PELI2: variants seen among roughly 807,000 people sequenced by gnomAD.
PELI2 encodes the protein E3 ubiquitin-protein ligase pellino homolog 2.
Under a neutral mutation model 42.3 loss-of-function variants are expected in PELI2, and 23 were observed. The observed-to-expected ratio is 0.54, with a 90% CI of 0.39 to 0.77. The LOEUF is 0.77. PELI2 is among the 30% of genes least tolerant of loss of function. The probability of loss-of-function intolerance (pLI) is 0.00; values close to 1 mark genes in which losing one functional copy is unlikely to be tolerated. For missense variants in PELI2, 463 were observed against 553.2 expected (o/e 0.84, Z 1.64); for synonymous variants, 245 against 212.2 (o/e 1.15, Z -1.34).
At chr14:56,215,800 C>T (rs538915309) in intron 2 of PELI2, among the ~76,000 whole-genome samples, 34 of 152,122 alleles carry the variant, frequency 2.2e-4, no homozygotes, top group Non-Finnish European at 4.1e-4. Context: ...CTGTCACCAG[C>T]GGTGTGGAAT....
chr14:56,285,033 T>C (rs1165214222), intron 3 of PELI2, among the ~76,000 whole-genome samples: 1 of 152,202 alleles, frequency 6.6e-6, no homozygotes, highest in African/African-American at 2.4e-5. Context: ...CTAGGAATTT[T>C]GGGAAGCTGT....
At chr14:56,235,026 C>G (rs926929687) in intron 2 of PELI2, among the ~76,000 whole-genome samples, 10 of 152,064 alleles carry the variant, frequency 6.6e-5, no homozygotes, top group African/African-American at 2.4e-4. Flanking sequence ...GAGGGTGTTA[C>G]GTTTGTTTCA....
chr14:56,293,823 C>T (rs1276110840), intron 5 of PELI2, among the ~76,000 whole-genome samples: 1 of 152,182 alleles, frequency 6.6e-6, no homozygotes, highest in Non-Finnish European at 1.5e-5. Context: ...TATAATAAGA[C>T]TTTGTTGTTT....
At chr14:56,244,479 C>T (rs1566661148) in intron 2 of PELI2, among the ~76,000 whole-genome samples, 1 of 152,148 alleles carries the variant, frequency 6.6e-6, no homozygotes, top group Non-Finnish European at 1.5e-5. Context: ...TGAAACCCTT[C>T]GCTTCAGGAG....
chr14:56,212,022 A>G (rs1157494154), intron 2 of PELI2, among the ~76,000 whole-genome samples: 3 of 152,232 alleles, frequency 2.0e-5, no homozygotes, highest in African/African-American at 7.2e-5. Context: ...AGAGCCTCTT[A>G]TGTGCTGGGA....
chr14:56,147,203 G>A (rs1884158223), intron 1 of PELI2, among the ~76,000 whole-genome samples: 1 of 152,190 alleles, frequency 6.6e-6, no homozygotes, highest in Non-Finnish European at 1.5e-5. Flanking sequence ...GTATTGATCA[G>A]TTAATGGACA....
intron 2 of PELI2, among the ~76,000 whole-genome samples, chr14:56,198,006 A>ACC (rs1336553236): frequency 1.2e-4 from 14 of 116,362 alleles, no homozygotes; most frequent in African/African-American, 3.3e-4. Context: ...ACACACACAC[A>ACC]CACACACCCA....
Position 56,143,262 on chromosome 14 carries a change from TC to T in PELI2, c.77+24527del, listed in dbSNP as rs1883983124. Among the ~76,000 whole-genome samples the T allele has an allele frequency of 2.6e-5, 4 of 152,332 alleles. No individual in the cohort carries two copies. In the South Asian group the frequency reaches 8.3e-4, roughly 32 times the overall value. On this transcript the variant is annotated intron_variant, in intron 1 of 5. Transcript: ENST00000267460. ...GAGGCTATCCAGTTTTGTCTAGAAG[TC>T]CACAGAAGTAATGTGTTCTTAGTGT...
intron 2 of PELI2, among the ~76,000 whole-genome samples, chr14:56,242,570 A>C (rs796731901): frequency 1.3e-4 from 20 of 152,340 alleles, no homozygotes; most frequent in African/African-American, 4.6e-4. Context: ...GAGCGGCACA[A>C]CTTGCAATTG....
chr14:56,243,592 G>A (rs1888053029), intron 2 of PELI2, among the ~76,000 whole-genome samples: 1 of 152,170 alleles, frequency 6.6e-6, no homozygotes, highest in African/African-American at 2.4e-5. Flanking sequence ...ATGGCACATA[G>A]TAAGCATACT....
At chr14:56,133,096 T>A (rs997927613) in intron 1 of PELI2, among the ~76,000 whole-genome samples, 1 of 152,128 alleles carries the variant, frequency 6.6e-6, no homozygotes, top group Admixed American at 6.5e-5. Context: ...GATGCTAATA[T>A]TATTTTCGTT....
At chr14:56,242,027 C>T (rs925806697) in intron 2 of PELI2, among the ~76,000 whole-genome samples, 3 of 152,196 alleles carry the variant, frequency 2.0e-5, no homozygotes, top group African/African-American at 7.2e-5. Context: ...AGGCACAGAG[C>T]TCTGTAATGG....
chr14:56,126,911 C>A (rs1238255094), intron 1 of PELI2, among the ~76,000 whole-genome samples: 2 of 152,174 alleles, frequency 1.3e-5, no homozygotes, highest in African/African-American at 2.4e-5. Context: ...GGATAGAATT[C>A]AAAATGCAAC....
intron 1 of PELI2, among the ~76,000 whole-genome samples, chr14:56,160,992 G>T (rs531191988): frequency 1.3e-5 from 2 of 152,102 alleles, no homozygotes; most frequent in African/African-American, 2.4e-5. Context: ...CTGTTTTAAG[G>T]TTCCCTGTAG....
chr14:56,191,691 G>A (rs1885953223), intron 2 of PELI2, among the ~76,000 whole-genome samples: 1 of 152,186 alleles, frequency 6.6e-6, no homozygotes, highest in Non-Finnish European at 1.5e-5. Context: ...AATTCCTCTA[G>A]TGAAGTTGCT....
chr14:56,188,975 T>C (rs897455679), intron 2 of PELI2, among the ~76,000 whole-genome samples: 11 of 151,856 alleles, frequency 7.2e-5, no homozygotes, highest in African/African-American at 2.7e-4. Flanking sequence ...GCCTGACCAA[T>C]ATGGTGAAAC....
At chr14:56,278,098 G>A (rs551411484) in intron 2 of PELI2, among the ~76,000 whole-genome samples, 52 of 152,272 alleles carry the variant, frequency 3.4e-4, no homozygotes, top group African/African-American at 1.3e-3. Flanking sequence ...CATTTAAAAT[G>A]CAATAGATAC....
intron 2 of PELI2, among the ~76,000 whole-genome samples, chr14:56,228,834 A>C (rs139785822): frequency 6.6e-6 from 1 of 152,328 alleles, no homozygotes; most frequent in East Asian, 1.9e-4. Context: ...GAGATCAGGG[A>C]ATTCCCTTTC....
At chr14:56,198,763 AT>A (rs1215478435) in intron 2 of PELI2, among the ~76,000 whole-genome samples, 3 of 152,142 alleles carry the variant, frequency 2.0e-5, no homozygotes, top group Non-Finnish European at 4.4e-5. Context: ...GCTGATGGAG[AT>A]GACCCAGTAT....
Sources: gnomAD v4.1 joint callset for allele counts (sites outside exome capture counted in the v4.1 genomes callset) on GRCh38, gnomAD v4.1.1 for gene constraint, MANE v1.5 for transcripts, NCBI Gene and HGNC (gene_info 2026-07-23, HGNC 2026-07-21) for gene names.